The following OSBPL10 variants were observed in gnomAD, a reference collection of about 807,000 sequenced individuals.
The protein encoded by OSBPL10 is oxysterol-binding protein-related protein 10.
A neutral mutation model predicts 81.7 loss-of-function variants in OSBPL10; 49 were observed. That is an observed-to-expected ratio of 0.60 (90% CI 0.48 to 0.76). The LOEUF is 0.76. Among genes scored for constraint, OSBPL10 ranks in the 30% least tolerant of loss-of-function variants. The probability of loss-of-function intolerance (pLI) is 0.00; values close to 1 mark genes in which losing one functional copy is unlikely to be tolerated. For synonymous variants in OSBPL10, 419 were observed against 383.6 expected, an observed-to-expected ratio of 1.09 and a Z score of -1.08; for missense variants, 923 against 987.8, an observed-to-expected ratio of 0.93 and a Z score of 0.88.
chr3:31,687,018 T>C (rs1437322065), intron 7 of OSBPL10, among the ~76,000 whole-genome samples: 1 of 152,126 alleles, frequency 6.6e-6, no homozygotes, highest in East Asian at 1.9e-4. Flanking sequence ...GAGTGTGAAT[T>C]TAAGCAGCTT....
Position 32,032,144 on chromosome 3 carries a change from C to A in OSBPL10, n.298+14347G>T, listed in dbSNP as rs1186355083. Among the ~76,000 whole-genome samples the A allele has an allele frequency of 2.0e-5, 3 of 152,120 alleles. No individual in the cohort carries two copies. The East Asian group carries it at 5.8e-4, about 29-fold the overall frequency. ...CTATTTTAAAAATAAATAGGCCAGGCATGAAAGCTCATGCCTGTAATCCCA... is the reference window on the plus strand; with the variant it reads ...CTATTTTAAAAATAAATAGGCCAGGAATGAAAGCTCATGCCTGTAATCCCA... On this transcript the variant is annotated intron_variant and non_coding_transcript_variant, in intron 2 of 3. Coordinates refer to the OSBPL10 transcript ENST00000479173.
rs115609370 is a variant in OSBPL10 at position 31,888,120 on chromosome 3, A to G, written c.282-8290T>C. 2.9e-3 allele frequency among the ~76,000 whole-genome samples: 449 copies of G among 152,344 alleles called. 2 individuals carry two copies. The highest frequency in any genetic ancestry group is 9.9e-3 in the African/African-American group (413 of 41,572). ...AAAACAGCATGGTACTGGCACAAAA[A>G]AGAGACACATAAACCAATGGAACAG... is the stretch of plus-strand genomic sequence containing the variant. On this transcript the variant is annotated intron_variant, in intron 1 of 11. Transcript: ENST00000396556.
At chr3:31,786,385 C>G (rs1272564606) in intron 4 of OSBPL10, among the ~76,000 whole-genome samples, 1 of 152,162 alleles carries the variant, frequency 6.6e-6, no homozygotes, top group African/African-American at 2.4e-5. Flanking sequence ...ACATCTCAGT[C>G]CACTTGGGCT....
intron 1 of OSBPL10, among the ~76,000 whole-genome samples, chr3:32,074,065 T>G (rs957244593): frequency 6.6e-6 from 1 of 152,114 alleles, no homozygotes; most frequent in Non-Finnish European, 1.5e-5. Flanking sequence ...GGCTATGCAT[T>G]TCCCTTTCTT....
chr3:31,818,240 T>C (rs557134356), intron 4 of OSBPL10, among the ~76,000 whole-genome samples: 5 of 152,216 alleles, frequency 3.3e-5, no homozygotes, highest in Admixed American at 1.3e-4. Flanking sequence ...CTCCAGTCCA[T>C]TGAAGGCCTC....
intron 5 of OSBPL10, among the ~76,000 whole-genome samples, chr3:31,744,446 G>C (rs1386945762): frequency 6.7e-6 from 1 of 149,754 alleles, no homozygotes; most frequent in African/African-American, 2.5e-5. Flanking sequence ...GCTGAGGCAG[G>C]TGAATTGCCT....
chr3:31,772,921 A>G (rs546148880), intron 4 of OSBPL10, among the ~76,000 whole-genome samples: 1 of 151,876 alleles, frequency 6.6e-6, no homozygotes. Context: ...TTTTCATGTC[A>G]TATCGCCTTT....
chr3:32,028,524 G>C lies in OSBPL10; in HGVS notation n.298+17967C>G, dbSNP rs577694222. On this transcript the variant is annotated intron_variant and non_coding_transcript_variant, in intron 2 of 3. Coordinates refer to the OSBPL10 transcript ENST00000479173. ...TCACAAGTATTGATTTGTAAAATCT[G>C]TGTTTTGGATACATACATACACATA... Among the ~76,000 whole-genome samples, 17 of 152,238 alleles carry C rather than the reference G, an allele frequency of 1.1e-4. No individual in the cohort carries two copies. In the South Asian group the frequency reaches 3.5e-3, roughly 32 times the overall value.
At chr3:31,763,226 C>A (rs1422770973) in intron 4 of OSBPL10, among the ~76,000 whole-genome samples, 2 of 152,214 alleles carry the variant, frequency 1.3e-5, no homozygotes, top group Non-Finnish European at 1.5e-5. Context: ...ATTTAACACA[C>A]ATCATATAAA....
At chr3:32,023,218 G>A (rs1699374523) in intron 2 of OSBPL10, among the ~76,000 whole-genome samples, 3 of 152,062 alleles carry the variant, frequency 2.0e-5, no homozygotes, top group Admixed American at 2.0e-4. Context: ...GTCCTGGGAG[G>A]GACCCAATGG....
At chr3:31,738,773 C>A (rs1250036406) in intron 5 of OSBPL10, among the ~76,000 whole-genome samples, 1 of 152,170 alleles carries the variant, frequency 6.6e-6, no homozygotes, top group African/African-American at 2.4e-5. Context: ...ACGCTATGCA[C>A]CATGTGCCCT....
intron 3 of OSBPL10, among the ~76,000 whole-genome samples, chr3:31,859,243 T>A (rs1040487991): frequency 2.0e-5 from 3 of 152,166 alleles, no homozygotes; most frequent in Non-Finnish European, 2.9e-5. Context: ...TAAAAAATTT[T>A]GTCTATGTCA....
chr3:31,970,801 C>A (rs1325544976), intron 1 of OSBPL10, among the ~76,000 whole-genome samples: 1 of 119,020 alleles, frequency 8.4e-6, no homozygotes, highest in African/African-American at 4.3e-5. Flanking sequence ...CAGAAAGTAG[C>A]CTTTTTTTAG....
chr3:31,837,814 T>A (rs930049299), intron 3 of OSBPL10, among the ~76,000 whole-genome samples: 51 of 151,434 alleles, frequency 3.4e-4, no homozygotes, highest in Middle Eastern at 6.8e-3. Flanking sequence ...ATTAACCCAA[T>A]AGGGAGTATA....
rs777399313 is a variant in OSBPL10 at position 31,990,844 on chromosome 3, A to G, written n.298+55647T>C. On this transcript the variant is annotated intron_variant and non_coding_transcript_variant, in intron 2 of 3. Transcript: ENST00000479173. ...TTATGCAAAACAAAGGAGAATTCAT[A>G]TGGGAGAGAAACATCACAAGTGTGA... 5 of 1,585,334 alleles carry G rather than the reference A, an allele frequency of 3.2e-6. No individual in the cohort carries two copies. The African/African-American group carries it at 4.0e-5, about 13-fold the overall frequency.
intron 3 of OSBPL10, among the ~76,000 whole-genome samples, chr3:31,869,877 T>G (rs563407406): frequency 6.6e-6 from 1 of 152,332 alleles, no homozygotes; most frequent in South Asian, 2.1e-4. Flanking sequence ...AAGTATTAAT[T>G]ATCATTACTT....
At chr3:32,027,813 G>A (rs771129340) in intron 2 of OSBPL10, among the ~76,000 whole-genome samples, 1 of 152,126 alleles carries the variant, frequency 6.6e-6, no homozygotes, top group African/African-American at 2.4e-5. Context: ...TTAGGGGCAG[G>A]GGTGTTCAGA....
In OSBPL10 at chr3:32,027,079, T is replaced by C. The variant is rs1036063782; in HGVS notation, n.298+19412A>G. Among the ~76,000 whole-genome samples, 3 of 152,238 alleles carry C rather than the reference T, an allele frequency of 2.0e-5. No individual in the cohort carries two copies. In the East Asian group the frequency reaches 5.8e-4, roughly 29 times the overall value. ...AGTTCTGGGATACACGTGCAGAACA[T>C]GCAGGTTTGTTACATAGGTATACAC... On this transcript the variant is annotated intron_variant and non_coding_transcript_variant, in intron 2 of 3. Transcript: ENST00000479173.
chr3:31,989,399 A>T lies in OSBPL10; in HGVS notation n.298+57092T>A, dbSNP rs190315929. ...GATTTTTGCTTCCAGAAAATTGGGA[A>T]AGATATTCATGACTTTGAGTTTCAA... On this transcript the variant is annotated intron_variant and non_coding_transcript_variant, in intron 2 of 3. Coordinates refer to the OSBPL10 transcript ENST00000479173. 2.0e-5 allele frequency: 32 copies of T among 1,614,236 alleles called. No homozygotes were observed. In the African/African-American group the frequency reaches 3.7e-4, roughly 19 times the overall value.
Sources: gnomAD v4.1 joint callset for allele counts (sites outside exome capture counted in the v4.1 genomes callset) on GRCh38, gnomAD v4.1.1 for gene constraint, MANE v1.5 for transcripts, NCBI Gene and HGNC (gene_info 2026-07-23, HGNC 2026-07-21) for gene names.